The following SEH1L variants were observed in gnomAD, a reference collection of about 807,000 sequenced individuals.
SEH1L encodes the protein SEH1 like nucleoporin.
Under a neutral mutation model 49.5 loss-of-function variants are expected in SEH1L, and 18 were observed. The ratio of observed to expected loss-of-function variants is 0.36; its 90% CI spans 0.25 to 0.54. The LOEUF (loss-of-function observed/expected upper bound fraction) is 0.54. Ranked by LOEUF, SEH1L falls within the 20% of genes least tolerant of loss-of-function variation. The pLI, the probability that SEH1L is intolerant of heterozygous loss-of-function variation, is 0.87. For synonymous variants in SEH1L, 169 were observed against 178.1 expected (o/e 0.95, Z 0.41); for missense variants, 404 against 528.8 (o/e 0.76, Z 2.31).
intron 1 of SEH1L, 81 bp from the exon 2 acceptor site, chr18:12,951,774 G>A: frequency 1.2e-6 from 1 of 819,774 alleles, no homozygotes; most frequent in African/African-American, 1.8e-5. Context: ...CGCTTTCCTT[G>A]TACACTGATT....
At chr18:12,962,880 G>A (rs142005060) in intron 3 of SEH1L, among the ~76,000 whole-genome samples, 2,439 of 151,962 alleles carry the variant, frequency 0.016, 38 homozygotes, top group Middle Eastern at 0.038. Context: ...TTGCTTAAGA[G>A]AGATTACTTA....
chr18:12,963,471 C>T (rs765533016), intron 4 of SEH1L, 100 bp downstream of exon 4: 5 of 930,056 alleles, frequency 5.4e-6, no homozygotes, highest in Non-Finnish European at 6.7e-6. Context: ...GGTGCTTCTT[C>T]TCAAGATATA....
At chr18:12,978,639 G>A (rs1023743867) in intron 5 of SEH1L, 113 bp from the exon 6 acceptor site, 10 of 810,132 alleles carry the variant, frequency 1.2e-5, no homozygotes, top group Non-Finnish European at 2.0e-5. Context: ...GCCCACTACA[G>A]AGGTGAGCAC....
At chr18:12,979,087 T>TA (rs397933439) in intron 6 of SEH1L, among the ~76,000 whole-genome samples, 195 bp downstream of exon 6, 1 of 151,856 alleles carries the variant, frequency 6.6e-6, no homozygotes, top group African/African-American at 2.4e-5. Context: ...TTTTTTTTTT[T>TA]ATTGATCATT....
chr18:12,978,930 T>A, intron 6 of SEH1L, 38 bp downstream of exon 6: 1 of 1,598,286 alleles, frequency 6.3e-7, no homozygotes, highest in Non-Finnish European at 8.6e-7. Context: ...GAAAATACTC[T>A]TGCCTTCTGA....
intron 8 of SEH1L, chr18:12,986,333 G>A: frequency 3.0e-6 from 3 of 985,476 alleles, no homozygotes; most frequent in Non-Finnish European, 3.6e-6. Flanking sequence ...GCTATTCTAA[G>A]GCTTTTGCAG....
chr18:12,948,308 G>A, intron 1 of SEH1L, 76 bp downstream of exon 1: 1 of 1,084,192 alleles, frequency 9.2e-7, no homozygotes, highest in South Asian at 1.3e-5. Context: ...GGGGAACGGG[G>A]CTGTGTCTTG....
chr18:12,963,230 G>C lies in SEH1L; in HGVS notation c.380G>C (p.Gly127Ala), dbSNP rs780277719. ...GTGAAGTTTGCTCCCAAGCACATGG[G>C]TCTTATGTTAGCAACCTGTTCCGCA... ...TDVKFAPKHM[G>A]LMLATCSADG... The change falls in exon 4 of 9, where the codon GGT (glycine) becomes GCT (alanine). Residue 127 changes from glycine (G) to alanine (A), a missense_variant. By Grantham distance (60) the Gly-to-Ala change is moderately conservative. Coordinates refer to ENST00000399892, the MANE Select transcript of SEH1L (RefSeq NM_001013437.2). 3 of 1,614,036 alleles carry C rather than the reference G, an allele frequency of 1.9e-6. No homozygotes were observed. Among genetic ancestry groups the C allele is most frequent in the Admixed American group, 3.3e-5 (2 of 60,012 alleles).
chr18:12,948,024 C>A lies in SEH1L; in HGVS notation c.-98C>A, dbSNP rs1291345437. On this transcript the variant is annotated 5_prime_UTR_variant, in exon 1 of 9. Transcript: ENST00000399892. ...GGGGGCGTGGGCAGCACAAGCCGTG[C>A]GCTCCCGGGCTGCGAGGTCTGGCTA... 4 of 810,848 alleles carry A rather than the reference C, an allele frequency of 4.9e-6. No homozygotes were observed. Among genetic ancestry groups the A allele is most frequent in the Admixed American group, 2.5e-5 (1 of 40,762 alleles). The allele number at this position is 810,848 out of a possible 1,614,324, so 50.2% of individuals were successfully genotyped here.
intron 6 of SEH1L, among the ~76,000 whole-genome samples, chr18:12,981,061 A>C: frequency 6.7e-6 from 1 of 149,402 alleles, no homozygotes; most frequent in Non-Finnish European, 1.5e-5. Context: ...CTCACTTCTC[A>C]GACGGGGCGG....
chr18:12,986,629 C>T, intron 8 of SEH1L: 1 of 1,145,980 alleles, frequency 8.7e-7, no homozygotes, highest in South Asian at 4.4e-5. Flanking sequence ...GATTGTATTC[C>T]TTTCAAGTTT....
chr18:12,978,512 C>A (rs62095801), intron 5 of SEH1L: 22,032 of 388,484 alleles, frequency 0.057, 1,133 homozygotes, highest in East Asian at 0.21. Context: ...CCCTAAATCT[C>A]GGATGTCATT....
At chr18:12,952,239 T>C (rs532514607) in intron 2 of SEH1L, among the ~76,000 whole-genome samples, 24 of 151,262 alleles carry the variant, frequency 1.6e-4, no homozygotes, top group Non-Finnish European at 1.8e-4. Flanking sequence ...TTTCTTTTTT[T>C]TTTTTTTTTG....
rs67640584 is a variant in SEH1L, at chr18:12,985,093, T to G, written c.1070+903T>G. On this transcript the variant is annotated intron_variant, in intron 8 of 8. Coordinates refer to ENST00000399892, the MANE Select transcript of SEH1L (RefSeq NM_001013437.2). ...TAATATTAGAGTTGATTTTTTAAAGTCTGGTTTTTGGTCACTGCCTGTACT... is the reference window on the plus strand; with the variant it reads ...TAATATTAGAGTTGATTTTTTAAAGGCTGGTTTTTGGTCACTGCCTGTACT... 67,157 of 599,560 alleles carry G rather than the reference T, an allele frequency of 0.11. 4,496 individuals are homozygous for G. The highest frequency in any genetic ancestry group is 0.23 in the East Asian group (6,899 of 29,456). 37.1% of individuals were successfully genotyped at this position (599,560 alleles called of 1,614,324 possible).
chr18:12,980,329 C>T (rs373588669), intron 6 of SEH1L, among the ~76,000 whole-genome samples: 3,009 of 113,804 alleles, frequency 0.026, 56 homozygotes, highest in East Asian at 0.12. Flanking sequence ...CGGGCAGAGG[C>T]GCCCCTCACC....
At chr18:12,951,945 A>G (rs780035511) in intron 2 of SEH1L, 40 bp downstream of exon 2, 2 of 1,102,820 alleles carry the variant, frequency 1.8e-6, no homozygotes, top group East Asian at 2.5e-5. Context: ...ATACAGAAAT[A>G]TTTACTGTTT....
intron 6 of SEH1L, among the ~76,000 whole-genome samples, chr18:12,979,967 A>ACCTC (rs2032114184): frequency 9.9e-6 from 1 of 101,180 alleles, no homozygotes; most frequent in Non-Finnish European, 2.0e-5. Flanking sequence ...GGTGCCCCTC[A>ACCTC]CCTCCCGGAC....
At chr18:12,962,219 G>A (rs1225622437) in intron 3 of SEH1L, among the ~76,000 whole-genome samples, 1 of 128,946 alleles carries the variant, frequency 7.8e-6, no homozygotes, top group Non-Finnish European at 1.6e-5. Flanking sequence ...AACATAGTGA[G>A]ACCCCCCCAT....
intron 5 of SEH1L, chr18:12,976,519 ATTCAAACACG>A (rs923648135): frequency 6.6e-6 from 1 of 152,200 alleles, no homozygotes; most frequent in Non-Finnish European, 1.5e-5. Context: ...TACAGCCTGG[ATTCAAACACG>A]TTCTGGCTGC....
Sources: allele counts gnomAD v4.1 joint callset (sites outside exome capture counted in the v4.1 genomes callset), GRCh38; gene constraint gnomAD v4.1.1; transcripts MANE v1.5; gene names NCBI Gene and HGNC (gene_info 2026-07-23, HGNC 2026-07-21).